MGST1: variants seen among roughly 807,000 people sequenced by gnomAD.
The protein encoded by MGST1 is glutathione S-transferase 12.
Under a neutral mutation model 8.9 loss-of-function variants are expected in MGST1, and 5 were observed. The ratio of observed to expected loss-of-function variants is 0.56; its 90% CI spans 0.29 to 1.19. The LOEUF is 1.19. Ranked by LOEUF, MGST1 falls within the 50% of genes most tolerant of loss-of-function variation. The pLI, the probability that MGST1 is intolerant of heterozygous loss-of-function variation, is 0.08. For synonymous variants in MGST1, 54 were observed against 67.8 expected (o/e 0.80, Z 1.00); for missense variants, 182 against 187.4 (o/e 0.97, Z 0.17).
intron 4 of MGST1, among the ~76,000 whole-genome samples, chr12:16,477,799 T>C (rs1403261828): frequency 6.6e-6 from 1 of 152,206 alleles, no homozygotes; most frequent in Non-Finnish European, 1.5e-5. Flanking sequence ...CTGTCCCTGT[T>C]CTGTCATATT....
chr12:16,360,279 T>TC, intron 3 of MGST1: 5 of 925,546 alleles, frequency 5.4e-6, no homozygotes, highest in Non-Finnish European at 6.5e-6. Context: ...CTTTTTTTTT[T>TC]CACCTCTCTC....
intron 1 of MGST1, among the ~76,000 whole-genome samples, chr12:16,408,217 G>T (rs1025439236): frequency 2.0e-5 from 3 of 151,938 alleles, no homozygotes; most frequent in Admixed American, 2.0e-4. Flanking sequence ...GGGGCTACTT[G>T]AGGTTGGAGG....
intron 1 of MGST1, among the ~76,000 whole-genome samples, chr12:16,396,837 A>G (rs10846356): frequency 0.31 from 46,426 of 151,990 alleles, 7,161 homozygotes; most frequent in South Asian, 0.35. Context: ...GGTAGAATCA[A>G]TATTGTGAAA....
At chr12:16,569,295 CTT>C in intron 4 of MGST1, among the ~76,000 whole-genome samples, 1 of 152,260 alleles carries the variant, frequency 6.6e-6, no homozygotes, top group East Asian at 1.9e-4. Flanking sequence ...CACTATACTT[CTT>C]TGTTTTTCCC....
intron 1 of MGST1, among the ~76,000 whole-genome samples, chr12:16,428,886 A>C: frequency 6.6e-6 from 1 of 152,016 alleles, no homozygotes; most frequent in South Asian, 2.1e-4. Flanking sequence ...TAATCTTTTC[A>C]ATTTCTATAC....
rs2193187 is a variant in MGST1 at position 16,547,628 on chromosome 12, G to T, written n.483-41900G>T. 0.37 allele frequency among the ~76,000 whole-genome samples: 55,459 copies of T among 151,862 alleles called. 11,368 individuals are homozygous for T. The highest frequency in any genetic ancestry group is 0.57 in the African/African-American group (23,422 of 41,412). ...GAGAGGCCTGTCACATAGTAGGTGCGCAATAAATGTCAATTAAACTAATGA... is the reference window on the plus strand; with the variant it reads ...GAGAGGCCTGTCACATAGTAGGTGCTCAATAAATGTCAATTAAACTAATGA... On this transcript the variant is annotated intron_variant and non_coding_transcript_variant, in intron 4 of 4. Coordinates refer to the MGST1 transcript ENST00000538857. This position sits in a 1 kb window ranked among gnomAD's most constrained non-coding sequence, Gnocchi z 4.6.
At chr12:16,501,031 G>C (rs1321665797) in intron 4 of MGST1, among the ~76,000 whole-genome samples, 1 of 150,802 alleles carries the variant, frequency 6.6e-6, no homozygotes, top group African/African-American at 2.4e-5. Context: ...GCTTGAATCT[G>C]GGAGGCAGAG....
At chr12:16,364,756 C>G (rs117282096), downstream of MGST1, among the ~76,000 whole-genome samples, 4,520 of 152,108 alleles carry the variant, frequency 0.03, 94 homozygotes, top group Non-Finnish European at 0.049. This position sits in a 1 kb window ranked among gnomAD's most constrained non-coding sequence, Gnocchi z 5.7. Context: ...TCATGTTTCC[C>G]CAGTAATAGT....
At chr12:16,464,071 C>T (rs972015208) in intron 4 of MGST1, among the ~76,000 whole-genome samples, 1 of 152,178 alleles carries the variant, frequency 6.6e-6, no homozygotes, top group Admixed American at 6.6e-5. Context: ...GAGCCAGTTA[C>T]TTGACTGTTA....
intron 4 of MGST1, among the ~76,000 whole-genome samples, chr12:16,568,083 A>C (rs189206032): frequency 4.6e-4 from 70 of 152,322 alleles, no homozygotes; most frequent in Admixed American, 3.8e-3. Context: ...AGAAAATAAA[A>C]AGGAATACTA....
rs1011193599 is a variant in MGST1 at position 16,389,107 on chromosome 12, A to G, written n.778+5503A>G. ...AATACAGGTGGCATAGGGATGGTAA[A>G]TACCTTGCACTGGGATTCGTTTTAA... On this transcript the variant is annotated intron_variant and non_coding_transcript_variant, in intron 1 of 1. Transcript: ENST00000359720. The surrounding 1 kb of genome is among the most constrained non-coding windows in gnomAD (Gnocchi z 4.6). 6.6e-6 allele frequency among the ~76,000 whole-genome samples: 1 copy of G among 152,202 alleles called. No individual in the cohort carries two copies. Among genetic ancestry groups the G allele is most frequent in the Non-Finnish European group, 1.5e-5 (1 of 68,044 alleles).
chr12:16,423,441 T>C (rs906195805), intron 1 of MGST1, among the ~76,000 whole-genome samples: 71 of 143,574 alleles, frequency 4.9e-4, no homozygotes, highest in Admixed American at 8.2e-4. Context: ...CAAAAAAAAT[T>C]CTTGTTGTCC....
chr12:16,477,603 A>AT (rs1439154324), intron 4 of MGST1, among the ~76,000 whole-genome samples: 4 of 152,242 alleles, frequency 2.6e-5, no homozygotes, highest in Non-Finnish European at 4.4e-5. Context: ...GAACAATGAT[A>AT]TTTGTAGAAT....
chr12:16,493,643 C>A (rs1350161085), intron 4 of MGST1, among the ~76,000 whole-genome samples: 1 of 152,080 alleles, frequency 6.6e-6, no homozygotes, highest in Non-Finnish European at 1.5e-5. Context: ...TCTTACTTGA[C>A]CATATCAGAG....
chr12:16,425,001 G>GA (rs1004263666), intron 1 of MGST1, among the ~76,000 whole-genome samples: 1 of 151,970 alleles, frequency 6.6e-6, no homozygotes, highest in Non-Finnish European at 1.5e-5. Context: ...CTATAGGAAG[G>GA]AAAAAAATGT....
chr12:16,590,295 A>G (rs113804136), downstream of MGST1, among the ~76,000 whole-genome samples: 239 of 152,198 alleles, frequency 1.6e-3, 4 homozygotes, highest in African/African-American at 5.5e-3. Flanking sequence ...AAATATAAGC[A>G]TAAACAAACT....
intron 3 of MGST1, among the ~76,000 whole-genome samples, chr12:16,370,688 T>A (rs1011647704): frequency 1.3e-5 from 2 of 152,172 alleles, no homozygotes; most frequent in African/African-American, 4.8e-5. Flanking sequence ...TTGCCACTGA[T>A]ACACATGAGA....
At chr12:16,446,611 A>C (rs2137108466) in intron 4 of MGST1, among the ~76,000 whole-genome samples, 1 of 152,028 alleles carries the variant, frequency 6.6e-6, no homozygotes, top group South Asian at 2.1e-4. Flanking sequence ...GTGTTAATTG[A>C]GACTCCCAGG....
intron 4 of MGST1, among the ~76,000 whole-genome samples, chr12:16,516,336 C>T (rs962700156): frequency 1.3e-5 from 2 of 152,206 alleles, no homozygotes; most frequent in African/African-American, 4.8e-5. Flanking sequence ...ATTAGCCATA[C>T]AGCCCCAACT....
Sources: allele counts gnomAD v4.1 joint callset (sites outside exome capture counted in the v4.1 genomes callset), GRCh38; gene constraint gnomAD v4.1.1; non-coding constraint Gnocchi (gnomAD v3.1); transcripts MANE v1.5; gene names NCBI Gene and HGNC (gene_info 2026-07-23, HGNC 2026-07-21).